Variants in SEMA5A observed in about 807,000 individuals in gnomAD.
The protein encoded by SEMA5A is semaphorin-5A.
In SEMA5A, 55 loss-of-function variants were observed where a neutral mutation model predicts 135.5. That is an observed-to-expected ratio of 0.41 (90% CI 0.33 to 0.51). The LOEUF (loss-of-function observed/expected upper bound fraction) is 0.51. Ranked by LOEUF, SEMA5A falls within the 20% of genes least tolerant of loss-of-function variation. The pLI, the probability that SEMA5A is intolerant of heterozygous loss-of-function variation, is 0.37. For synonymous variants in SEMA5A, 580 were observed against 546.5 expected, an observed-to-expected ratio of 1.06 and a Z score of -0.85; for missense variants, 1,290 against 1,419.9, an observed-to-expected ratio of 0.91 and a Z score of 1.47.
At chr5:9,349,204 A>G (rs926241364) in intron 3 of SEMA5A, among the ~76,000 whole-genome samples, 2 of 152,228 alleles carry the variant, frequency 1.3e-5, no homozygotes, top group East Asian at 1.9e-4. Context: ...CTATCTACAC[A>G]TCGGAACTAG....
intron 1 of SEMA5A, among the ~76,000 whole-genome samples, chr5:9,481,377 G>T: frequency 6.6e-6 from 1 of 152,118 alleles, no homozygotes; most frequent in East Asian, 1.9e-4. Context: ...GCTTATTTTG[G>T]TCTAGATCAC....
In SEMA5A at chr5:9,147,724, CAA is replaced by C. The variant is rs59966819; in HGVS notation, c.1481+6762_1481+6763del. Among the ~76,000 whole-genome samples the C allele has an allele frequency of 9.0e-4, 92 of 102,482 alleles. 1 individual carries two copies. Among genetic ancestry groups the C allele is most frequent in the Admixed American group, 4.6e-3 (41 of 8,968 alleles). 67.2% of individuals were successfully genotyped at this position (102,482 alleles called of 152,430 possible). On this transcript the variant is annotated intron_variant, in intron 12 of 22. Coordinates refer to ENST00000382496, the MANE Select transcript of SEMA5A (RefSeq NM_003966.3). ...TTCATTAAGCAAAAATAAAACAAAC[CAA>C]AAAAAAAAAAAAAAAACCCACCTAA...
intron 2 of SEMA5A, among the ~76,000 whole-genome samples, chr5:9,413,985 C>T (rs533496984): frequency 2.6e-5 from 4 of 152,140 alleles, no homozygotes. Flanking sequence ...ATCAGAGAAG[C>T]TGGAACAGAA....
In SEMA5A at chr5:9,125,173, A is replaced by G. The variant is rs541134271; in HGVS notation, c.1600-2336T>C. On this transcript the variant is annotated intron_variant, in intron 13 of 22. Coordinates refer to ENST00000382496, the MANE Select transcript of SEMA5A (RefSeq NM_003966.3). ...CGGTTGGCCAAATCCAATTGCTATA[A>G]TTATGACTATCCCTCCTTTCTAACC... Among the ~76,000 whole-genome samples the G allele has an allele frequency of 2.6e-5, 4 of 152,326 alleles. No homozygotes were observed. The South Asian group carries it at 8.3e-4, about 32-fold the overall frequency.
chr5:9,505,629 C>A (rs1448919017), intron 1 of SEMA5A, among the ~76,000 whole-genome samples: 6 of 152,136 alleles, frequency 3.9e-5, no homozygotes, highest in African/African-American at 1.4e-4. Context: ...AGCCAGAATG[C>A]CAGAACCCAA....
At chr5:9,329,636 A>ACTTTT (rs1753030206) in intron 4 of SEMA5A, among the ~76,000 whole-genome samples, 3 of 152,142 alleles carry the variant, frequency 2.0e-5, no homozygotes, top group Non-Finnish European at 2.9e-5. Flanking sequence ...AGCTCTCAAT[A>ACTTTT]CTCAGTCTGT....
At chr5:9,509,259 A>AATTATTATTATT (rs112585205) in intron 1 of SEMA5A, among the ~76,000 whole-genome samples, 133 of 150,024 alleles carry the variant, frequency 8.9e-4, no homozygotes, top group African/African-American at 3.1e-3. Flanking sequence ...TCCAACATAA[A>AATTATTATTATT]ATTATTATTA....
chr5:9,537,303 C>T (rs1216508396), intron 1 of SEMA5A, among the ~76,000 whole-genome samples: 1 of 152,210 alleles, frequency 6.6e-6, no homozygotes, highest in Non-Finnish European at 1.5e-5. Context: ...CCTGGTAACA[C>T]AGACATTTTT....
intron 2 of SEMA5A, among the ~76,000 whole-genome samples, chr5:9,384,635 G>GATAGATAGATAGATAGATAGATAC (rs1561208001): frequency 1.3e-5 from 1 of 75,684 alleles, no homozygotes; most frequent in African/African-American, 5.0e-5. Flanking sequence ...TAGATAGATA[G>GATAGATAGATAGATAGATAGATAC]ATAGATAGAT....
At chr5:9,215,608 C>T (rs950878891) in intron 8 of SEMA5A, among the ~76,000 whole-genome samples, 1 of 152,128 alleles carries the variant, frequency 6.6e-6, no homozygotes, top group Non-Finnish European at 1.5e-5. Context: ...ATGGTTTCTC[C>T]CCTCAAGGAC....
chr5:9,290,717 T>C (rs1263370035), intron 5 of SEMA5A, among the ~76,000 whole-genome samples: 1 of 152,176 alleles, frequency 6.6e-6, no homozygotes, highest in African/African-American at 2.4e-5. Context: ...TACACATCCA[T>C]TGACGTTAAG....
intron 10 of SEMA5A, among the ~76,000 whole-genome samples, chr5:9,192,845 G>T (rs2150351674): frequency 6.6e-6 from 1 of 152,194 alleles, no homozygotes; most frequent in Non-Finnish European, 1.5e-5. Context: ...TTGCACACAG[G>T]TCTTGTTTTG....
chr5:9,084,154 T>A (rs1289562920), intron 16 of SEMA5A, among the ~76,000 whole-genome samples: 1 of 152,238 alleles, frequency 6.6e-6, no homozygotes, highest in African/African-American at 2.4e-5. Context: ...ATGCAAATGT[T>A]ATTTTTTAAT....
intron 8 of SEMA5A, among the ~76,000 whole-genome samples, chr5:9,210,772 T>C (rs1746305628): frequency 6.6e-6 from 1 of 152,104 alleles, no homozygotes; most frequent in African/African-American, 2.4e-5. Context: ...GATAATGCAA[T>C]CTCCCTTAAG....
intron 8 of SEMA5A, among the ~76,000 whole-genome samples, chr5:9,217,723 T>C (rs1388453299): frequency 2.6e-5 from 4 of 152,338 alleles, no homozygotes; most frequent in East Asian, 3.9e-4. Flanking sequence ...TTGACTGTCT[T>C]ATTTCACAGA....
intron 5 of SEMA5A, among the ~76,000 whole-genome samples, chr5:9,293,997 T>G (rs1751210314): frequency 1.3e-5 from 2 of 152,172 alleles, no homozygotes; most frequent in Admixed American, 1.3e-4. Context: ...CACAGGGTAG[T>G]CCCTCTGCCA....
intron 1 of SEMA5A, among the ~76,000 whole-genome samples, chr5:9,463,451 T>A (rs1359839187): frequency 6.6e-6 from 1 of 152,176 alleles, no homozygotes; most frequent in Non-Finnish European, 1.5e-5. Flanking sequence ...AGTTAGTTTT[T>A]TTTTTATTTT....
intron 4 of SEMA5A, among the ~76,000 whole-genome samples, chr5:9,322,743 CGT>C (rs1752685612): frequency 6.6e-6 from 1 of 152,092 alleles, no homozygotes; most frequent in Non-Finnish European, 1.5e-5. Flanking sequence ...ACAAGCCCCC[CGT>C]GTCTTGGTGT....
intron 1 of SEMA5A, among the ~76,000 whole-genome samples, chr5:9,493,824 C>T (rs184550990): frequency 2.4e-4 from 36 of 152,198 alleles, no homozygotes; most frequent in Middle Eastern, 3.4e-3. Flanking sequence ...CTCTCAGAAC[C>T]GAGCTTTACA....
Sources: gnomAD v4.1 joint callset for allele counts (sites outside exome capture counted in the v4.1 genomes callset) on GRCh38, gnomAD v4.1.1 for gene constraint, MANE v1.5 for transcripts, NCBI Gene and HGNC (gene_info 2026-07-23, HGNC 2026-07-21) for gene names.